CABIN1: variants seen among roughly 807,000 people sequenced by gnomAD.
CABIN1 encodes calcineurin-binding protein cabin-1.
Under a neutral mutation model 227.7 loss-of-function variants are expected in CABIN1, and 133 were observed. The observed-to-expected ratio is 0.58, with a 90% CI of 0.51 to 0.67. CABIN1 has a LOEUF of 0.67. Among genes scored for constraint, CABIN1 ranks in the 30% least tolerant of loss-of-function variants. The pLI is 0.00. For missense variants in CABIN1, 2,408 were observed against 2,852.5 expected, an observed-to-expected ratio of 0.84 and a Z score of 3.55; for synonymous variants, 1,086 against 1,155.1, an observed-to-expected ratio of 0.94 and a Z score of 1.21.
chr22:24,129,192 G>T (rs917806438), intron 28 of CABIN1, among the ~76,000 whole-genome samples: 1 of 152,170 alleles, frequency 6.6e-6, no homozygotes. Context: ...CCCACTACAT[G>T]CAGGGCCCAT....
At chr22:24,101,770 G>A (rs1034943882) in intron 26 of CABIN1, 3 of 152,306 alleles carry the variant, frequency 2.0e-5, no homozygotes, top group Non-Finnish European at 2.9e-5. Flanking sequence ...ACCTTCAGGG[G>A]GTTCCCAGTG....
At chr22:24,136,916 T>G (rs1169594987) in intron 29 of CABIN1, among the ~76,000 whole-genome samples, 1 of 152,188 alleles carries the variant, frequency 6.6e-6, no homozygotes, top group East Asian at 1.9e-4. Flanking sequence ...TCTTTATATA[T>G]CAATGAAGTG....
intron 26 of CABIN1, among the ~76,000 whole-genome samples, chr22:24,109,768 GTC>G (rs2042711212): frequency 2.6e-5 from 4 of 152,338 alleles, no homozygotes; most frequent in African/African-American, 7.2e-5. Flanking sequence ...CTTGCTCATG[GTC>G]TCAGCTAGTA....
Position 24,098,024 on chromosome 22 carries a change from TGC to T in CABIN1, c.3950_3951del (p.Cys1317SerfsTer39). The T allele has an allele frequency of 6.2e-7, 1 of 1,614,196 alleles. No individual in the cohort carries two copies. The highest frequency in any genetic ancestry group is 2.2e-5 in the East Asian group (1 of 44,878). On this transcript the variant is annotated frameshift_variant, in exon 26 of 37. Transcript: ENST00000263119. LOFTEE classifies it high-confidence loss of function. ...TPKASEKEKA[C>X]LVDEDSHSSA... ...CCTCTGTTCCCACAGGGAGAAGGCCTGCCTGGTGGACGAGGACTCCCACTCTT... is the reference window on the plus strand; with the variant it reads ...CCTCTGTTCCCACAGGGAGAAGGCCTCTGGTGGACGAGGACTCCCACTCTT...
intron 14 of CABIN1, 90 bp downstream of exon 14, chr22:24,063,236 A>C: frequency 1.8e-6 from 2 of 1,109,024 alleles, no homozygotes; most frequent in Non-Finnish European, 1.3e-6. Context: ...GTGTGTGTGT[A>C]TGTGTGTGTG....
At chr22:24,074,479 A>C (rs570513135) in intron 18 of CABIN1, among the ~76,000 whole-genome samples, 2 of 152,314 alleles carry the variant, frequency 1.3e-5, no homozygotes, top group African/African-American at 4.8e-5. Context: ...TAATATTCTC[A>C]TTTGTGGAGA....
intron 7 of CABIN1, 43 bp from the exon 8 acceptor site, chr22:24,050,782 A>C (rs757471269): frequency 6.2e-7 from 1 of 1,613,026 alleles, no homozygotes; most frequent in Non-Finnish European, 8.5e-7. Flanking sequence ...CCTCAGTTTT[A>C]GTTTGTAACA....
In CABIN1 at chr22:24,050,933, G is replaced by T. The variant is rs549335689; in HGVS notation, c.765G>T (p.Lys255Asn). ...KKRQALIVRE[K>N]EPDLKLVQPI... ...GGCAAGCGCTGATTGTGCGGGAGAA[G>T]GAGCCGGACCTGAAACTTGTGCAGC... is the stretch of plus-strand genomic sequence containing the variant. The change falls in exon 8 of 37, where the codon AAG becomes AAT. Residue 255 changes from lysine to asparagine, a missense_variant. By Grantham distance (94) the Lys-to-Asn change is moderately conservative. Transcript: ENST00000263119. The T allele has an allele frequency of 1.9e-6, 3 of 1,614,244 alleles. No homozygotes were observed. Among genetic ancestry groups the T allele is most frequent in the Admixed American group, 1.7e-5 (1 of 60,030 alleles).
At chr22:24,082,614 A>C (rs2040880905) in intron 19 of CABIN1, among the ~76,000 whole-genome samples, 1 of 152,200 alleles carries the variant, frequency 6.6e-6, no homozygotes, top group African/African-American at 2.4e-5. Flanking sequence ...TGAATGCTTG[A>C]AAATAATGTG....
intron 29 of CABIN1, among the ~76,000 whole-genome samples, chr22:24,138,562 C>A (rs1326118889): frequency 1.3e-5 from 2 of 152,158 alleles, no homozygotes; most frequent in Non-Finnish European, 2.9e-5. Flanking sequence ...CCTACAACCC[C>A]CTTTGGGTTT....
At chr22:24,043,439 C>T (rs531355641) in intron 6 of CABIN1, among the ~76,000 whole-genome samples, 1 of 150,462 alleles carries the variant, frequency 6.6e-6, no homozygotes, top group Non-Finnish European at 1.5e-5. Flanking sequence ...AAAAAAATAC[C>T]ATAGATTGGG....
intron 6 of CABIN1, among the ~76,000 whole-genome samples, 186 bp from the exon 7 acceptor site, chr22:24,048,905 C>T (rs1189557797): frequency 6.6e-6 from 1 of 152,184 alleles, no homozygotes; most frequent in Non-Finnish European, 1.5e-5. Flanking sequence ...GGTCTGCTCA[C>T]CTTGCAGTGC....
At chr22:24,029,542 G>A (rs2036342171) in intron 1 of CABIN1, among the ~76,000 whole-genome samples, 2 of 151,920 alleles carry the variant, frequency 1.3e-5, no homozygotes, top group African/African-American at 4.8e-5. Flanking sequence ...GGGCAACAGA[G>A]TGAGACCCTG....
chr22:24,169,450 T>TA (rs1273832465), intron 33 of CABIN1, among the ~76,000 whole-genome samples: 3 of 152,172 alleles, frequency 2.0e-5, no homozygotes, highest in African/African-American at 7.2e-5. Flanking sequence ...CCTGGGCTAT[T>TA]ACGTCTGCGG....
intron 10 of CABIN1, 139 bp from the exon 11 acceptor site, chr22:24,059,088 C>T: frequency 1.0e-6 from 1 of 1,002,440 alleles, no homozygotes; most frequent in Non-Finnish European, 1.5e-6. Context: ...CTCCTGGAGG[C>T]CTGGGTTCTG....
chr22:24,123,904 T>C (rs2043565093), intron 28 of CABIN1, among the ~76,000 whole-genome samples: 1 of 152,230 alleles, frequency 6.6e-6, no homozygotes, highest in Admixed American at 6.5e-5. Flanking sequence ...GTCTGCCTCT[T>C]CAAAGGGGCC....
intron 23 of CABIN1, among the ~76,000 whole-genome samples, chr22:24,090,553 A>G (rs1231196127): frequency 1.4e-5 from 2 of 145,936 alleles, no homozygotes; most frequent in Non-Finnish European, 3.0e-5. Flanking sequence ...AGAAGTGTCT[A>G]ACAGAGCACT....
At chr22:24,157,145 C>T (rs2045879461) in intron 29 of CABIN1, among the ~76,000 whole-genome samples, 1 of 152,140 alleles carries the variant, frequency 6.6e-6, no homozygotes, top group East Asian at 1.9e-4. Flanking sequence ...GAGAGGCCCG[C>T]CCTGATAGGT....
At chr22:24,024,232 A>G (rs2035924709) in intron 1 of CABIN1, among the ~76,000 whole-genome samples, 2 of 152,032 alleles carry the variant, frequency 1.3e-5, no homozygotes, top group Admixed American at 1.3e-4. Flanking sequence ...TTTAGGGTAC[A>G]TGTGCACATT....
Sources: gnomAD v4.1 joint callset for allele counts (sites outside exome capture counted in the v4.1 genomes callset) on GRCh38, gnomAD v4.1.1 for gene constraint, MANE v1.5 for transcripts, NCBI Gene and HGNC (gene_info 2026-07-23, HGNC 2026-07-21) for gene names.